GRM5: variants seen among roughly 807,000 people sequenced by gnomAD.
GRM5 encodes metabotropic glutamate receptor 5.
GRM5 carries 19 observed loss-of-function variants against 83.1 expected under a neutral mutation model. That is an observed-to-expected ratio of 0.23 (90% confidence interval 0.16 to 0.34). The LOEUF is 0.34. GRM5 is among the 10% of genes least tolerant of loss of function. The pLI, the probability that GRM5 is intolerant of heterozygous loss-of-function variation, is 1.00. For missense variants in GRM5, 1,160 were observed against 1,588.3 expected (o/e 0.73, Z 4.58); for synonymous variants, 675 against 633.6 (o/e 1.07, Z -0.98).
chr11:88,718,384 A>G (rs1050361904), intron 3 of GRM5, among the ~76,000 whole-genome samples: 14 of 151,816 alleles, frequency 9.2e-5, no homozygotes, highest in African/African-American at 3.1e-4. Context: ...TCCTCCCTCT[A>G]TTTTCAGTTT....
At chr11:88,734,733 CTG>C (rs1941877512) in intron 3 of GRM5, among the ~76,000 whole-genome samples, 1 of 152,032 alleles carries the variant, frequency 6.6e-6, no homozygotes, top group Non-Finnish European at 1.5e-5. Context: ...TGACAAAATT[CTG>C]TGTATCATTT....
intron 8 of GRM5, among the ~76,000 whole-genome samples, chr11:88,533,367 G>A (rs1942059877): frequency 6.6e-6 from 1 of 152,012 alleles, no homozygotes; most frequent in Non-Finnish European, 1.5e-5. Context: ...TATCCTCAAA[G>A]CTTACTTCTT....
At chr11:88,749,774 T>C (rs149825313) in intron 3 of GRM5, among the ~76,000 whole-genome samples, 7,328 of 152,080 alleles carry the variant, frequency 0.048, 611 homozygotes, top group African/African-American at 0.17. Flanking sequence ...CCAGAAGAGA[T>C]TGGGGCCAAT....
intron 2 of GRM5, among the ~76,000 whole-genome samples, chr11:89,035,136 C>T (rs538760949): frequency 2.0e-5 from 3 of 151,502 alleles, no homozygotes; most frequent in African/African-American, 7.2e-5. Context: ...AATAATATAA[C>T]CAGAGAGTAT....
intron 2 of GRM5, among the ~76,000 whole-genome samples, chr11:88,950,292 A>G (rs1938415405): frequency 1.3e-5 from 2 of 152,140 alleles, no homozygotes; most frequent in African/African-American, 4.8e-5. Flanking sequence ...TTAATTGAAA[A>G]AAAATAGGTA....
At chr11:88,643,497 A>G (rs1939353603) in intron 4 of GRM5, among the ~76,000 whole-genome samples, 2 of 152,178 alleles carry the variant, frequency 1.3e-5, no homozygotes, top group Non-Finnish European at 2.9e-5. Flanking sequence ...AATATGGAAC[A>G]GGATCCCTTC....
At chr11:88,608,950 C>CT (rs1473114157) in intron 4 of GRM5, among the ~76,000 whole-genome samples, 1 of 152,164 alleles carries the variant, frequency 6.6e-6, no homozygotes, top group Non-Finnish European at 1.5e-5. Context: ...TTCTATTTTA[C>CT]TTTTTCTCCC....
At chr11:88,797,894 T>TTAAA (rs1474561364) in intron 3 of GRM5, among the ~76,000 whole-genome samples, 3 of 152,022 alleles carry the variant, frequency 2.0e-5, no homozygotes, top group African/African-American at 4.8e-5. Context: ...CCCTTTATAT[T>TTAAA]TAGTTGGGGA....
intron 2 of GRM5, among the ~76,000 whole-genome samples, chr11:89,013,714 A>G (rs1459454512): frequency 6.6e-6 from 1 of 152,240 alleles, no homozygotes; most frequent in Non-Finnish European, 1.5e-5. Flanking sequence ...TTAGAGGTTC[A>G]GGGAAATGTC....
intron 2 of GRM5, among the ~76,000 whole-genome samples, chr11:89,040,874 T>A (rs116631479): frequency 6.6e-6 from 1 of 152,356 alleles, no homozygotes; most frequent in African/African-American, 2.4e-5. Context: ...TTTGAGGATC[T>A]CTATTCTTGC....
chr11:88,645,792 T>C (rs4274198), intron 4 of GRM5, among the ~76,000 whole-genome samples: 104,669 of 151,908 alleles, frequency 0.69, 41,771 homozygotes, highest in Non-Finnish European at 0.9. Flanking sequence ...AGAACAGAGA[T>C]GTGAATTCAG....
intron 7 of GRM5, among the ~76,000 whole-genome samples, chr11:88,575,646 G>A (rs1385911583): frequency 2.0e-5 from 3 of 152,100 alleles, no homozygotes; most frequent in African/African-American, 2.4e-5. Flanking sequence ...TTTCGTTCTG[G>A]GCTATATGTC....
chr11:88,958,173 C>A (rs1229369222), intron 2 of GRM5, among the ~76,000 whole-genome samples: 15 of 151,764 alleles, frequency 9.9e-5, no homozygotes, highest in Non-Finnish European at 2.2e-4. Context: ...CAGGTCCTCT[C>A]CAGTTTTCCC....
intron 5 of GRM5, 91 bp from the exon 6 acceptor site, chr11:88,597,443 A>G: frequency 4.5e-6 from 3 of 666,530 alleles, no homozygotes; most frequent in East Asian, 2.8e-5. Flanking sequence ...AAATGTGTCT[A>G]TTGTCATATA....
rs201330329 is a variant in GRM5 at position 88,508,186 on chromosome 11, T to C, written c.*406A>G. ...TTCATGTTTGGTGAATCAAAGACTC[T>C]TCTGGGAAAAGAATTAAAGTAAACA... On this transcript the variant is annotated 3_prime_UTR_variant, in exon 10 of 10. Coordinates refer to ENST00000305447, the MANE Select transcript of GRM5 (RefSeq NM_001143831.3). The surrounding 1 kb of genome is among the most constrained non-coding windows in gnomAD (Gnocchi z 4.2). 107 of 155,032 alleles carry C rather than the reference T, an allele frequency of 6.9e-4. No individual in the cohort carries two copies. Among genetic ancestry groups the C allele is most frequent in the African/African-American group, 2.4e-3 (100 of 41,692 alleles). 9.6% of individuals were successfully genotyped at this position (155,032 alleles called of 1,614,324 possible).
At chr11:88,661,017 A>G (rs1348643771) in intron 3 of GRM5, among the ~76,000 whole-genome samples, 1 of 152,180 alleles carries the variant, frequency 6.6e-6, no homozygotes, top group Non-Finnish European at 1.5e-5. Context: ...AATATTCTAA[A>G]TATGTGGATA....
chr11:88,730,748 C>A (rs985053097), intron 3 of GRM5, among the ~76,000 whole-genome samples: 1 of 152,148 alleles, frequency 6.6e-6, no homozygotes, highest in African/African-American at 2.4e-5. Flanking sequence ...AACCATCATT[C>A]TCAGCAAACG....
At chr11:88,681,833 T>C (rs1386192285) in intron 3 of GRM5, among the ~76,000 whole-genome samples, 1 of 151,950 alleles carries the variant, frequency 6.6e-6, no homozygotes, top group African/African-American at 2.4e-5. Context: ...CCTCCCAAAG[T>C]GCTGACATTA....
chr11:88,574,238 A>G (rs1286321588), intron 7 of GRM5, among the ~76,000 whole-genome samples: 1 of 152,216 alleles, frequency 6.6e-6, no homozygotes, highest in East Asian at 1.9e-4. Context: ...TATTTTGTAT[A>G]CAATTAAATA....
Sources: allele counts gnomAD v4.1 joint callset (sites outside exome capture counted in the v4.1 genomes callset), GRCh38; gene constraint gnomAD v4.1.1; non-coding constraint Gnocchi (gnomAD v3.1); transcripts MANE v1.5; gene names NCBI Gene and HGNC (gene_info 2026-07-23, HGNC 2026-07-21).